Variants in RCC1L observed in about 807,000 individuals in gnomAD.
RCC1L encodes the protein RCC1-like G exchanging factor-like protein.
In RCC1L, 46 loss-of-function variants were observed where a neutral mutation model predicts 58.6. The observed-to-expected ratio is 0.79, with a 90% CI of 0.62 to 1.00. The LOEUF (loss-of-function observed/expected upper bound fraction) is 1.00. Ranked by LOEUF, RCC1L falls within the 50% of genes least tolerant of loss-of-function variation. The pLI is 0.00. For synonymous variants in RCC1L, 281 were observed against 262.9 expected, an observed-to-expected ratio of 1.07 and a Z score of -0.67; for missense variants, 636 against 623.6, an observed-to-expected ratio of 1.02 and a Z score of -0.21.
Position 75,061,245 on chromosome 7 carries a change from T to A in RCC1L, c.749A>T (p.Glu250Val). 1 of 1,613,406 alleles carries A rather than the reference T, an allele frequency of 6.2e-7. No homozygotes were observed. The highest frequency in any genetic ancestry group is 8.5e-7 in the Non-Finnish European group (1 of 1,179,736). The change falls in exon 6 of 11, where the codon GAA becomes GTA. Residue 250 changes from glutamate to valine, a missense_variant. Glu to Val is a moderately radical substitution (Grantham distance 121). Transcript: ENST00000610322. ...AGCACCCCATCCACAAGAATAGACTTCTCCTTTATCCGTCAGGAACAGACT... is the reference window on the plus strand; with the variant it reads ...AGCACCCCATCCACAAGAATAGACTACTCCTTTATCCGTCAGGAACAGACT... ...DHSLFLTDKG[E>V]VYSCGWGADG...
chr7:75,040,045 C>T (rs948389238), downstream of RCC1L, among the ~76,000 whole-genome samples: 468 of 152,186 alleles, frequency 3.1e-3, 1 homozygote, highest in African/African-American at 0.011. Context: ...CAGGAGCCCT[C>T]GTGACCCACA....
chr7:75,039,621 G>A (rs1805505959), downstream of RCC1L, among the ~76,000 whole-genome samples: 1 of 152,140 alleles, frequency 6.6e-6, no homozygotes, highest in African/African-American at 2.4e-5. Context: ...GTCCGAGGGA[G>A]ATGGGGGGGA....
chr7:75,057,642 G>A (rs1018473460), intron 7 of RCC1L, 26 bp from the exon 8 acceptor site: 72 of 1,611,260 alleles, frequency 4.5e-5, no homozygotes, highest in Non-Finnish European at 5.8e-5. Context: ...GAGCCACACT[G>A]TTAGGAAAGC....
At chr7:75,051,371 T>TATATATATACACACAC (rs1805910210) in intron 10 of RCC1L, among the ~76,000 whole-genome samples, 1 of 150,208 alleles carries the variant, frequency 6.7e-6, no homozygotes, top group African/African-American at 2.5e-5. Flanking sequence ...TATACACACA[T>TATATATATACACACAC]ATATATATAC....
intron 6 of RCC1L, among the ~76,000 whole-genome samples, chr7:75,059,405 A>C (rs1414842286): frequency 6.6e-6 from 1 of 151,198 alleles, no homozygotes; most frequent in African/African-American, 2.4e-5. Context: ...CAAGTAGCTG[A>C]GATTACAGGC....
In RCC1L at chr7:75,064,611, T is replaced by TC; in HGVS notation, c.620dup (p.Arg208LysfsTer7). The TC allele has an allele frequency of 6.2e-7, 1 of 1,613,864 alleles. No homozygotes were observed. Among genetic ancestry groups the TC allele is most frequent in the Non-Finnish European group, 8.5e-7 (1 of 1,179,832 alleles). On this transcript the variant is annotated frameshift_variant, in exon 4 of 11. Coordinates refer to ENST00000610322, the MANE Select transcript of RCC1L (RefSeq NM_030798.5). LOFTEE classifies it high-confidence loss of function. The stretch of plus-strand genomic sequence containing the variant: ...AAATTTCATTTTCGACCACCTTTCT[T>TC]CCACATTGCCCATAAGAATTGTTTC...
rs140481718 is a variant in RCC1L, at chr7:75,055,939, C to A, written c.1193G>T (p.Arg398Leu). 2.7e-5 allele frequency: 43 copies of A among 1,613,928 alleles called. No homozygotes were observed. In the African/African-American group the frequency reaches 5.6e-4, roughly 21 times the overall value. Residue 398 changes from arginine (R) to leucine (L), a missense_variant, in exon 9 of 11, where the codon CGC becomes CTC. Transcript: ENST00000610322. Reference sequence around the variant, plus strand: ...AAAGTGGCTGAGTCCACATCGGATGCGGGAAACCTGGATTTCTGGGTTGAA... The same window carrying A: ...AAAGTGGCTGAGTCCACATCGGATGAGGGAAACCTGGATTTCTGGGTTGAA... ...TEFNPEIQVSRIRCGLSHFAA... is the reference protein window; with the variant it reads ...TEFNPEIQVSLIRCGLSHFAA...
At chr7:75,047,093 G>C (rs1310015671) in intron 10 of RCC1L, among the ~76,000 whole-genome samples, 2 of 152,282 alleles carry the variant, frequency 1.3e-5, no homozygotes, top group African/African-American at 2.4e-5. Flanking sequence ...AAGTAGCTGG[G>C]ATTACAGGCA....
At chr7:75,031,528 A>C (rs950203184) in intron 10 of RCC1L, among the ~76,000 whole-genome samples, 7 of 150,606 alleles carry the variant, frequency 4.6e-5, no homozygotes, top group Admixed American at 2.6e-4. Context: ...AAAAAAAAAA[A>C]CGATGCTGGC....
At chr7:75,047,311 G>A (rs1009194293) in intron 10 of RCC1L, among the ~76,000 whole-genome samples, 8 of 151,492 alleles carry the variant, frequency 5.3e-5, no homozygotes, top group Non-Finnish European at 1.2e-4. Context: ...TGTTGCCCCC[G>A]GCTGGAGCGC....
chr7:75,055,666 G>T, intron 9 of RCC1L: 4 of 570,638 alleles, frequency 7.0e-6, no homozygotes, highest in Non-Finnish European at 1.3e-5. Flanking sequence ...GCACGTTCAC[G>T]TTAGCCTACC....
downstream of RCC1L, among the ~76,000 whole-genome samples, chr7:75,040,527 TA>T: frequency 6.6e-6 from 1 of 152,048 alleles, no homozygotes. Flanking sequence ...GGAGGTTTAT[TA>T]AAAACTCACC....
Position 75,064,495 on chromosome 7 carries a change from G to C in RCC1L, c.650+87C>G, listed in dbSNP as rs587693895. On this transcript the variant is annotated intron_variant, in intron 4 of 10. Coordinates refer to ENST00000610322, the MANE Select transcript of RCC1L (RefSeq NM_030798.5). ...CCCCCTCTCAGGCATGCCTCTGACC[G>C]CCCCGCGGGTTTACCACAGTCATCT... The C allele has an allele frequency of 1.9e-5, 28 of 1,486,170 alleles. 1 individual carries two copies. In the Middle Eastern group the frequency reaches 5.1e-4, roughly 27 times the overall value. 92.1% of individuals were successfully genotyped at this position (1,486,170 alleles called of 1,614,324 possible).
At chr7:75,050,524 C>T (rs999394515) in intron 10 of RCC1L, among the ~76,000 whole-genome samples, 4 of 152,174 alleles carry the variant, frequency 2.6e-5, no homozygotes, top group Non-Finnish European at 5.9e-5. Context: ...GGCAGACCCT[C>T]GTCAGCGTTC....
Position 75,066,727 on chromosome 7 carries a change from T to C in RCC1L, c.520A>G (p.Thr174Ala). The C allele has an allele frequency of 6.2e-7, 1 of 1,613,560 alleles. No individual in the cohort carries two copies. The highest frequency in any genetic ancestry group is 8.5e-7 in the Non-Finnish European group (1 of 1,179,758). Residue 174 changes from threonine to alanine, a missense_variant, in exon 3 of 11, where the codon ACA (threonine) becomes GCA (alanine). Physicochemically the swap from Thr to Ala is moderately conservative, Grantham distance 58 (BLOSUM62 0). Coordinates refer to ENST00000610322, the MANE Select transcript of RCC1L (RefSeq NM_030798.5). Reference sequence around the variant, plus strand: ...CCGCAGGAGACCTGCAGCACCCGTGTCTCCTGAGGTCTGTCCAGAGGCAGG... The same window carrying C: ...CCGCAGGAGACCTGCAGCACCCGTGCCTCCTGAGGTCTGTCCAGAGGCAGG... ...VSLPLDRPQETRVLQVSCGRA... is the reference protein window; with the variant it reads ...VSLPLDRPQEARVLQVSCGRA...
Position 75,063,452 on chromosome 7 carries a change from G to GT in RCC1L, c.651-110dup, listed in dbSNP as rs1471289642. The GT allele has an allele frequency of 1.5e-5, 17 of 1,139,162 alleles. No individual in the cohort carries two copies. In the African/African-American group the frequency reaches 2.0e-4, roughly 13 times the overall value. 70.6% of individuals were successfully genotyped at this position (1,139,162 alleles called of 1,614,324 possible). A position where few individuals can be genotyped will look rare whatever the true frequency, so the allele number is the denominator to read the frequency against. On this transcript the variant is annotated intron_variant, in intron 4 of 10. Transcript: ENST00000610322. Reference sequence around the variant, plus strand: ...ATGGCCCGTCCCCTCCGCTCACACAGTAACTGTTGGGGTAACTCTCAAGGT... The same window carrying GT: ...ATGGCCCGTCCCCTCCGCTCACACAGTTAACTGTTGGGGTAACTCTCAAGGT...
chr7:75,037,630 A>G (rs1805457706), downstream of RCC1L, among the ~76,000 whole-genome samples: 1 of 151,058 alleles, frequency 6.6e-6, no homozygotes, highest in Non-Finnish European at 1.5e-5. Flanking sequence ...TCAGCCTCCC[A>G]AGTAGCTGGG....
chr7:75,059,193 AAAAAAAAAAAG>A (rs1806191164), intron 6 of RCC1L, among the ~76,000 whole-genome samples: 1 of 150,800 alleles, frequency 6.6e-6, no homozygotes, highest in African/African-American at 2.4e-5. Context: ...CTCTCAAAAA[AAAAAAAAAAAG>A]AAAAAAAAAG....
At chr7:75,045,176 TTTTG>T (rs1305737674) in intron 10 of RCC1L, among the ~76,000 whole-genome samples, 7 of 150,896 alleles carry the variant, frequency 4.6e-5, no homozygotes, top group South Asian at 4.2e-4. Context: ...GCCTGGCTAA[TTTTG>T]TTTGTTTGTT....
Sources: gnomAD v4.1 joint callset for allele counts (sites outside exome capture counted in the v4.1 genomes callset) on GRCh38, gnomAD v4.1.1 for gene constraint, MANE v1.5 for transcripts, NCBI Gene and HGNC (gene_info 2026-07-23, HGNC 2026-07-21) for gene names.